COPA: variants seen among roughly 807,000 people sequenced by gnomAD.
COPA encodes the protein coatomer subunit alpha.
In COPA, 10 loss-of-function variants were observed where a neutral mutation model predicts 158.7. The observed-to-expected ratio is 0.06, with a 90% CI of 0.04 to 0.11. The LOEUF (loss-of-function observed/expected upper bound fraction) is 0.11. COPA is among the 10% of genes least tolerant of loss of function. COPA has a pLI of 1.00. For missense variants in COPA, 1,065 were observed against 1,536.7 expected (o/e 0.69, Z 5.13); for synonymous variants, 462 against 542.8 (o/e 0.85, Z 2.07).
intron 6 of COPA, among the ~76,000 whole-genome samples, chr1:160,328,475 G>C (rs969858779): frequency 6.6e-6 from 1 of 152,204 alleles, no homozygotes; most frequent in Non-Finnish European, 1.5e-5. Flanking sequence ...CTGAACGACA[G>C]ATGGAAAATT....
intron 6 of COPA, among the ~76,000 whole-genome samples, chr1:160,331,949 G>GA (rs200037967): frequency 6.2e-4 from 84 of 134,596 alleles, no homozygotes; most frequent in Admixed American, 1.6e-3. Context: ...CTCCCTCTCA[G>GA]AAAAAAAAAA....
At chr1:160,297,952 G>A (rs1240203321) in intron 19 of COPA, among the ~76,000 whole-genome samples, 1 of 152,140 alleles carries the variant, frequency 6.6e-6, no homozygotes, top group African/African-American at 2.4e-5. Flanking sequence ...GGCCAAGGCA[G>A]GCGGATCCCG....
intron 4 of COPA, 27 bp from the exon 5 acceptor site, chr1:160,333,706 T>C: frequency 6.5e-7 from 1 of 1,542,876 alleles, no homozygotes; most frequent in Non-Finnish European, 8.9e-7. Context: ...ACAAAGGCTT[T>C]AAACATTAAA....
chr1:160,337,191 C>T (rs1647816588), intron 3 of COPA, among the ~76,000 whole-genome samples: 1 of 152,122 alleles, frequency 6.6e-6, no homozygotes, highest in African/African-American at 2.4e-5. Flanking sequence ...CCTTTAATGG[C>T]CTAAGTCAAG....
chr1:160,308,428 T>C (rs942674015), intron 13 of COPA, among the ~76,000 whole-genome samples: 3 of 152,206 alleles, frequency 2.0e-5, no homozygotes, highest in Non-Finnish European at 4.4e-5. Flanking sequence ...GGGTCTAAAA[T>C]ATCATTAAAA....
At chr1:160,327,023 CAG>C (rs1647262905) in intron 6 of COPA, among the ~76,000 whole-genome samples, 2 of 152,112 alleles carry the variant, frequency 1.3e-5, no homozygotes, top group South Asian at 2.1e-4. Context: ...TTGTGGTTTT[CAG>C]AGAGTATGTT....
At chr1:160,332,636 T>G (rs1265329209) in intron 5 of COPA, 79 bp from the exon 6 acceptor site, 2 of 963,972 alleles carry the variant, frequency 2.1e-6, no homozygotes, top group African/African-American at 3.3e-5. Context: ...TTCTCCATAT[T>G]CAATAAATGC....
In COPA at chr1:160,313,109, G is replaced by A. The variant is rs188927828; in HGVS notation, c.901C>T (p.Pro301Ser). ...CCTGCTGCAAAGAGGTTAAGGTTAG[G>A]GTGAGCAGCTAGGACCCAGAAACGA... The part of the protein sequence containing the change: ...HDRFWVLAAH[P>S]NLNLFAAGHD... Residue 301 changes from proline (P) to serine (S), a missense_variant, in exon 10 of 33, where the codon CCT becomes TCT. Coordinates refer to ENST00000241704, the MANE Select transcript of COPA (RefSeq NM_004371.4). 1.2e-6 allele frequency: 2 copies of A among 1,614,066 alleles called. No individual in the cohort carries two copies. The highest frequency in any genetic ancestry group is 2.2e-5 in the East Asian group (1 of 44,886).
rs746436312 is a variant in COPA, at chr1:160,290,642, G to A, written c.3465C>T (p.Ala1155=). ...TGTGCATGTCATAATTGAGCTGGTA[G>A]GCATCTGTGGGATTCTTCTCACAGG... ...LSACEKNPTD[A]YQLNYDMHNP... Residue 1155 remains alanine, a synonymous_variant, in exon 32 of 33, where the codon GCC becomes GCT. Coordinates refer to ENST00000241704, the MANE Select transcript of COPA (RefSeq NM_004371.4). 53 of 1,614,060 alleles carry A rather than the reference G, an allele frequency of 3.3e-5. No individual in the cohort carries two copies. The highest frequency in any genetic ancestry group is 6.6e-5 in the South Asian group (6 of 91,078).
intron 3 of COPA, among the ~76,000 whole-genome samples, chr1:160,337,270 CCTT>C (rs1320858846): frequency 1.3e-5 from 2 of 152,166 alleles, no homozygotes; most frequent in Non-Finnish European, 2.9e-5. Context: ...TTGCTGGGCT[CCTT>C]GTCTTACTCT....
chr1:160,325,529 A>T lies in COPA; in HGVS notation c.606+14T>A, dbSNP rs751811141. 2 of 1,605,918 alleles carry T rather than the reference A, an allele frequency of 1.2e-6. No homozygotes were observed. Among genetic ancestry groups the T allele is most frequent in the Non-Finnish European group, 1.7e-6 (2 of 1,172,562 alleles). Reference sequence around the variant, plus strand: ...GACAGCCCATATTCAGCCCCTGGCTATAAAGATAAGTACCTCTAGTACATG... The same window carrying T: ...GACAGCCCATATTCAGCCCCTGGCTTTAAAGATAAGTACCTCTAGTACATG... On this transcript the variant is annotated intron_variant, in intron 7 of 32. Coordinates refer to ENST00000241704, the MANE Select transcript of COPA (RefSeq NM_004371.4).
At chr1:160,325,271 TG>T (rs149097114) in intron 7 of COPA, among the ~76,000 whole-genome samples, 27 of 152,352 alleles carry the variant, frequency 1.8e-4, no homozygotes, top group African/African-American at 6.0e-4. Flanking sequence ...AGCTTGAGAA[TG>T]GGCTCTGCTT....
intron 31 of COPA, 111 bp from the exon 32 acceptor site, chr1:160,290,797 G>A (rs751150436): frequency 2.2e-5 from 21 of 963,712 alleles, no homozygotes; most frequent in Non-Finnish European, 2.4e-5. Context: ...ACTGTACTGC[G>A]TGAAAAGAGG....
At chr1:160,302,315 C>T (rs905387441) in intron 17 of COPA, among the ~76,000 whole-genome samples, 1 of 151,956 alleles carries the variant, frequency 6.6e-6, no homozygotes, top group Non-Finnish European at 1.5e-5. Context: ...CATCAAGTGT[C>T]TAATAAATCT....
intron 8 of COPA, chr1:160,317,461 T>C (rs2101851650): frequency 6.2e-7 from 1 of 1,609,268 alleles, no homozygotes; most frequent in Admixed American, 1.7e-5. Context: ...GGAAGGTGAA[T>C]ATATTAAACT....
rs779704582 is a variant in COPA, at chr1:160,305,557, T to G, written c.1543A>C (p.Asn515His). 3 of 1,614,078 alleles carry G rather than the reference T, an allele frequency of 1.9e-6. No homozygotes were observed. In the African/African-American group the frequency reaches 4.0e-5, roughly 22 times the overall value. Reference sequence around the variant, plus strand: ...TTACATAAAGCATCCAGTTTGCGGTTACAGATCACAATGGCTGTAAGAGGC... The same window carrying G: ...TTACATAAAGCATCCAGTTTGCGGTGACAGATCACAATGGCTGTAAGAGGC... ...LLAKHAIVIC[N>H]RKLDALCNIH... Residue 515 changes from asparagine (N) to histidine (H), a missense_variant, in exon 17 of 33, where the codon AAC becomes CAC. Physicochemically the swap from Asn to His is moderately conservative, Grantham distance 68. Coordinates refer to ENST00000241704, the MANE Select transcript of COPA (RefSeq NM_004371.4).
chr1:160,294,894 TC>T, intron 23 of COPA, 37 bp from the exon 24 acceptor site: 2 of 1,588,130 alleles, frequency 1.3e-6, no homozygotes, highest in African/African-American at 1.3e-5. Flanking sequence ...CTGGTTATAG[TC>T]CAGCAAGTCT....
chr1:160,322,296 A>G (rs1659353255), intron 8 of COPA, among the ~76,000 whole-genome samples: 2 of 152,238 alleles, frequency 1.3e-5, no homozygotes, highest in Admixed American at 1.3e-4. Context: ...GAGGACCCAG[A>G]TATAAATCCA....
intron 11 of COPA, 62 bp from the exon 12 acceptor site, chr1:160,310,320 G>A (rs1190487407): frequency 2.4e-5 from 24 of 1,019,020 alleles, no homozygotes; most frequent in Non-Finnish European, 3.2e-5. Flanking sequence ...AAGGAAGAAA[G>A]GAATCACCCC....
Sources: gnomAD v4.1 joint callset for allele counts (sites outside exome capture counted in the v4.1 genomes callset) on GRCh38, gnomAD v4.1.1 for gene constraint, MANE v1.5 for transcripts, NCBI Gene and HGNC (gene_info 2026-07-23, HGNC 2026-07-21) for gene names.